The following CCP110 variants were observed in gnomAD, a reference collection of about 807,000 sequenced individuals.
CCP110 encodes the protein centriolar coiled-coil protein 110, also known as centriolar coiled-coil protein of 110 kDa.
In CCP110, 43 loss-of-function variants were observed where a neutral mutation model predicts 105.5. The ratio of observed to expected loss-of-function variants is 0.41; its 90% CI spans 0.32 to 0.53. The LOEUF (loss-of-function observed/expected upper bound fraction) is 0.53. CCP110 is among the 20% of genes least tolerant of loss of function. CCP110 has a pLI of 0.32. For missense variants in CCP110, 1,016 were observed against 1,189.1 expected (o/e 0.85, Z 2.14); for synonymous variants, 353 against 392.1 (o/e 0.90, Z 1.18).
chr16:19,543,549 AACTG>A (rs1282778187), intron 8 of CCP110, among the ~76,000 whole-genome samples: 3 of 152,206 alleles, frequency 2.0e-5, no homozygotes, highest in Non-Finnish European at 4.4e-5. Flanking sequence ...AGACAACCAT[AACTG>A]ACTGCCTGCG....
intron 2 of CCP110, among the ~76,000 whole-genome samples, chr16:19,528,975 C>A (rs137909251): frequency 3.7e-4 from 56 of 152,326 alleles, no homozygotes; most frequent in African/African-American, 1.3e-3. Context: ...GCTGTGGAGC[C>A]TTCTGGCCTG....
At chr16:19,524,427 TG>T (rs2151455828) in intron 1 of CCP110, among the ~76,000 whole-genome samples, 1 of 152,180 alleles carries the variant, frequency 6.6e-6, no homozygotes, top group South Asian at 2.1e-4. Flanking sequence ...AACCCCATCG[TG>T]GTGATCAAAT....
At chr16:19,539,310 T>C (rs1430623628) in intron 4 of CCP110, among the ~76,000 whole-genome samples, 1 of 151,994 alleles carries the variant, frequency 6.6e-6, no homozygotes, top group Non-Finnish European at 1.5e-5. Flanking sequence ...TCTTAGGGCT[T>C]ATGGGAAATA....
chr16:19,536,831 A>T, exon 4 of CCP110: 1 of 1,614,190 alleles, frequency 6.2e-7, no homozygotes, highest in Non-Finnish European at 8.5e-7. Flanking sequence ...AGCGTGTCAT[A>T]TACTTATAAA....
intron 14 of CCP110, among the ~76,000 whole-genome samples, chr16:19,550,097 A>G (rs1278500702): frequency 6.6e-6 from 1 of 152,176 alleles, no homozygotes; most frequent in Non-Finnish European, 1.5e-5. Flanking sequence ...TGTTTTCTAA[A>G]GATTTACTTA....
intron 5 of CCP110, among the ~76,000 whole-genome samples, chr16:19,541,647 GAGGAGAGAGAGA>G (rs1378218153): frequency 1.3e-4 from 9 of 70,976 alleles, no homozygotes; most frequent in Non-Finnish European, 2.1e-4. Context: ...AAGAGAGAGA[GAGGAGAGAGAGA>G]GAGAGAGAGA....
intron 2 of CCP110, among the ~76,000 whole-genome samples, chr16:19,529,930 G>A (rs1416753543): frequency 6.6e-6 from 1 of 152,050 alleles, no homozygotes; most frequent in Non-Finnish European, 1.5e-5. Flanking sequence ...GGTGCCTCAC[G>A]CCTATAATCC....
rs1205252269 is a variant in CCP110, at chr16:19,532,553, T to C, written c.270+9T>C. ...TTCTTGACAATGTTCAGGTGTGTGATTTTAGCTGTTTCAGTTATAATAAAG... is the reference window on the plus strand; with the variant it reads ...TTCTTGACAATGTTCAGGTGTGTGACTTTAGCTGTTTCAGTTATAATAAAG... On this transcript the variant is annotated intron_variant, in intron 3 of 14. Transcript: ENST00000381396. 6.4e-7 allele frequency: 1 copy of C among 1,572,652 alleles called. No homozygotes were observed. The highest frequency in any genetic ancestry group is 8.6e-7 in the Non-Finnish European group (1 of 1,166,710).
intron 9 of CCP110, 69 bp downstream of exon 9, chr16:19,544,967 C>T (rs996480283): frequency 1.7e-5 from 17 of 1,026,502 alleles, no homozygotes; most frequent in Middle Eastern, 2.1e-4. Context: ...TATTTAATCA[C>T]TGAAAATAGG....
At chr16:19,542,532 C>A in intron 6 of CCP110, 89 bp from the exon 7 acceptor site, 1 of 990,958 alleles carries the variant, frequency 1.0e-6, no homozygotes, top group South Asian at 1.5e-5. Context: ...AGTTGTTATT[C>A]TTAATGAGTG....
At chr16:19,530,682 C>CAAAAA (rs796911104) in intron 2 of CCP110, among the ~76,000 whole-genome samples, 1 of 138,632 alleles carries the variant, frequency 7.2e-6, no homozygotes, top group African/African-American at 2.6e-5. Flanking sequence ...GACCCTCTCT[C>CAAAAA]AAAAAAAAAA....
At chr16:19,551,105 C>T (rs535169764) in intron 14 of CCP110, 91 bp from the exon 14 acceptor site, 3 of 785,104 alleles carry the variant, frequency 3.8e-6, no homozygotes, top group Middle Eastern at 3.1e-4. Context: ...TTGCCTAGCT[C>T]AGTGTTTGTT....
chr16:19,534,922 C>T (rs1057111928), intron 3 of CCP110, among the ~76,000 whole-genome samples: 50 of 149,356 alleles, frequency 3.3e-4, no homozygotes, highest in African/African-American at 1.2e-3. Flanking sequence ...GCTCTGTCGC[C>T]CAGGCCGGAG....
At chr16:19,531,227 T>C (rs1158745898) in intron 2 of CCP110, among the ~76,000 whole-genome samples, 1 of 152,238 alleles carries the variant, frequency 6.6e-6, no homozygotes, top group East Asian at 1.9e-4. Flanking sequence ...GCTTGTTGTG[T>C]AGGGTCTATG....
chr16:19,540,622 A>T, intron 4 of CCP110, 35 bp from the exon 5 acceptor site: 2 of 1,578,488 alleles, frequency 1.3e-6, no homozygotes, highest in Non-Finnish European at 1.7e-6. Context: ...TAGACTTGTG[A>T]ATTTTCTAAA....
At position 19,550,764 on chromosome 16, in the gene CCP110, T is replaced by C. The variant is rs191326997; in HGVS notation, c.2987-432T>C. On this transcript the variant is annotated intron_variant, in intron 14 of 14. Transcript: ENST00000381396. ...TGCAAAGCATTTAGTTATTTATAGTTTTACAAACCTAAATTGCAATCTCTG... is the reference window on the plus strand; with the variant it reads ...TGCAAAGCATTTAGTTATTTATAGTCTTACAAACCTAAATTGCAATCTCTG... Among the ~76,000 whole-genome samples, 45 of 152,362 alleles carry C rather than the reference T, an allele frequency of 3.0e-4. No individual in the cohort carries two copies. In the East Asian group the frequency reaches 7.1e-3, roughly 24 times the overall value.
In CCP110 at chr16:19,532,458, A is replaced by G. The variant is rs758334564; in HGVS notation, c.184A>G (p.Lys62Glu). 4 of 1,609,036 alleles carry G rather than the reference A, an allele frequency of 2.5e-6. No homozygotes were observed. The East Asian group carries it at 8.9e-5, about 36-fold the overall frequency. Residue 62 changes from lysine to glutamate, a missense_variant, in exon 3 of 15, where the codon AAA becomes GAA. Lys to Glu is a moderately conservative substitution (Grantham distance 56). Transcript: ENST00000381396. Reference sequence around the variant, plus strand: ...AAAGGAAATGCAACAAGAAAAGCAGAAAGCACTTGATGTAGAAGCAAGAAA... The same window carrying G: ...AAAGGAAATGCAACAAGAAAAGCAGGAAGCACTTGATGTAGAAGCAAGAAA...
In CCP110 at chr16:19,524,394, TAA is replaced by T. The variant is rs375842804; in HGVS notation, c.-16+309_-16+310del. On this transcript the variant is annotated intron_variant, in intron 1 of 14. Coordinates refer to ENST00000381396, the Ensembl canonical transcript of CCP110. Reference sequence around the variant, plus strand: ...AGGGCAGGGGGCCGTCCCTGGTGAATAAAACTCGGGCCAGAGCCGGAGAACCC... The same window carrying T: ...AGGGCAGGGGGCCGTCCCTGGTGAATAACTCGGGCCAGAGCCGGAGAACCC... 5.9e-3 allele frequency among the ~76,000 whole-genome samples: 896 copies of T among 152,156 alleles called. 5 individuals are homozygous for T. Among genetic ancestry groups the T allele is most frequent in the Middle Eastern group, 0.017 (5 of 294 alleles).
At chr16:19,552,840 G>C (rs1970684881) in exon 15 of CCP110, 1 of 152,262 alleles carries the variant, frequency 6.6e-6, no homozygotes, top group South Asian at 2.1e-4. Context: ...AAGCCACCCT[G>C]GGTGTAAACT....
Sources: gnomAD v4.1 joint callset for allele counts (sites outside exome capture counted in the v4.1 genomes callset) on GRCh38, gnomAD v4.1.1 for gene constraint, MANE v1.5 for transcripts, NCBI Gene and HGNC (gene_info 2026-07-23, HGNC 2026-07-21) for gene names.